The following CSNK1G1 variants were observed in gnomAD, a reference collection of about 807,000 sequenced individuals.
The protein encoded by CSNK1G1 is casein kinase 1 gamma 1.
A neutral mutation model predicts 59.6 loss-of-function variants in CSNK1G1; 22 were observed. The observed-to-expected ratio is 0.37, with a 90% CI of 0.26 to 0.53. CSNK1G1 has a LOEUF of 0.53. CSNK1G1 is among the 20% of genes least tolerant of loss of function. The probability of loss-of-function intolerance (pLI) is 0.89; values close to 1 mark genes in which losing one functional copy is unlikely to be tolerated. For synonymous variants in CSNK1G1, 179 were observed against 177.1 expected (o/e 1.01, Z -0.08); for missense variants, 384 against 519.5 (o/e 0.74, Z 2.54).
chr15:64,270,219 C>A (rs935643011), intron 2 of CSNK1G1, among the ~76,000 whole-genome samples: 2 of 151,902 alleles, frequency 1.3e-5, no homozygotes, highest in Non-Finnish European at 2.9e-5. Flanking sequence ...TAGCTAGTGG[C>A]CTATTTATCA....
chr15:64,292,049 T>TA (rs1237201244), intron 2 of CSNK1G1, among the ~76,000 whole-genome samples: 13 of 146,142 alleles, frequency 8.9e-5, no homozygotes, highest in Middle Eastern at 3.5e-3. Flanking sequence ...ATACACATAT[T>TA]AAAAAAAAAA....
At chr15:64,217,731 G>A (rs1187036746) in intron 4 of CSNK1G1, among the ~76,000 whole-genome samples, 2 of 150,946 alleles carry the variant, frequency 1.3e-5, no homozygotes, top group African/African-American at 2.4e-5. Context: ...CAGGAGAATC[G>A]TTTGAACTCA....
intron 1 of CSNK1G1, among the ~76,000 whole-genome samples, chr15:64,346,966 A>C (rs1375914269): frequency 2.0e-5 from 3 of 152,220 alleles, no homozygotes; most frequent in Admixed American, 6.5e-5. Context: ...ACTCAACAAG[A>C]AGCAAACAAC....
At chr15:64,197,088 A>T (rs377510066) in intron 10 of CSNK1G1, among the ~76,000 whole-genome samples, 1 of 152,232 alleles carries the variant, frequency 6.6e-6, no homozygotes, top group Non-Finnish European at 1.5e-5. Flanking sequence ...AGCAGTGAAC[A>T]AAACAACAAA....
Position 64,229,912 on chromosome 15 carries a change from T to A in CSNK1G1, c.293-13199A>T, listed in dbSNP as rs998979622. ...TGGGCATGTTTGTAAATTTTTTTTT[T>A]TTTTTTTTTTTTTTTTTTTTTTTTT... is the stretch of plus-strand genomic sequence containing the variant. On this transcript the variant is annotated intron_variant, in intron 4 of 11. Transcript: ENST00000303052. Among the ~76,000 whole-genome samples, 515 of 70,084 alleles carry A rather than the reference T, an allele frequency of 7.3e-3. 9 individuals are homozygous for A. Among genetic ancestry groups the A allele is most frequent in the African/African-American group, 0.023 (499 of 21,530 alleles). The allele number at this position is 70,084 out of a possible 152,430, so 46.0% of individuals were successfully genotyped here.
In CSNK1G1 at chr15:64,275,386, T is replaced by C. The variant is rs74507602; in HGVS notation, c.182-16145A>G. Among the ~76,000 whole-genome samples the C allele has an allele frequency of 1.1e-3, 168 of 152,264 alleles. 1 individual carries two copies. The East Asian group carries it at 0.029, about 27-fold the overall frequency. ...ATGATTAGGGGTAAGAAGATAACGA[T>C]AGCAATACAACTCTAAAGAAAAAAA... is the stretch of plus-strand genomic sequence containing the variant. On this transcript the variant is annotated intron_variant, in intron 2 of 11. Transcript: ENST00000303052.
chr15:64,204,402 G>A (rs1475610656), intron 9 of CSNK1G1, 39 bp downstream of exon 9: 5 of 1,499,988 alleles, frequency 3.3e-6, no homozygotes, highest in Admixed American at 4.3e-5. Context: ...GAGAAAGGAG[G>A]TAATGAGGTT....
chr15:64,345,479 A>G (rs573284835), intron 1 of CSNK1G1, among the ~76,000 whole-genome samples: 1 of 152,346 alleles, frequency 6.6e-6, no homozygotes, highest in Non-Finnish European at 1.5e-5. Context: ...TCTTGTCCTT[A>G]GTGACAGTTG....
intron 10 of CSNK1G1, among the ~76,000 whole-genome samples, chr15:64,199,265 A>G (rs1253904484): frequency 6.6e-6 from 1 of 150,446 alleles, no homozygotes; most frequent in Non-Finnish European, 1.5e-5. Flanking sequence ...AAAAAAAAAA[A>G]AAAAAAAGAA....
rs149401903 is a variant in CSNK1G1 at position 64,318,900 on chromosome 15, C to T, written c.-224-18177G>A. 7.0e-3 allele frequency among the ~76,000 whole-genome samples: 1,069 copies of T among 152,048 alleles called. 17 individuals are homozygous for T. The highest frequency in any genetic ancestry group is 0.024 in the African/African-American group (1,013 of 41,462). ...TGCTGGGATTACAGGCATGAGCCAC[C>T]GTGCCTGGCCAACATGATCTTGGCT... is the stretch of plus-strand genomic sequence containing the variant. On this transcript the variant is annotated intron_variant, in intron 1 of 11. Transcript: ENST00000303052.
At chr15:64,272,403 G>C (rs1893366443) in intron 2 of CSNK1G1, among the ~76,000 whole-genome samples, 1 of 152,036 alleles carries the variant, frequency 6.6e-6, no homozygotes, top group South Asian at 2.1e-4. Context: ...TTTTTTAGTA[G>C]AGACGGGGTT....
At chr15:64,225,311 G>A (rs1215596694) in intron 4 of CSNK1G1, among the ~76,000 whole-genome samples, 1 of 152,020 alleles carries the variant, frequency 6.6e-6, no homozygotes, top group Non-Finnish European at 1.5e-5. Flanking sequence ...CCAACCTATG[G>A]CTGCCTTCTT....
intron 1 of CSNK1G1, among the ~76,000 whole-genome samples, 178 bp downstream of exon 1, chr15:64,355,810 C>T (rs531071495): frequency 6.6e-6 from 1 of 152,320 alleles, no homozygotes; most frequent in South Asian, 2.1e-4. Context: ...CTGTGTCCCT[C>T]AGCCCCTCCA....
chr15:64,310,886 T>C lies in CSNK1G1; in HGVS notation c.-224-10163A>G, dbSNP rs1895956483. 2.0e-5 allele frequency among the ~76,000 whole-genome samples: 3 copies of C among 150,168 alleles called. No individual in the cohort carries two copies. The South Asian group carries it at 6.3e-4, about 31-fold the overall frequency. On this transcript the variant is annotated intron_variant, in intron 1 of 11. Coordinates refer to ENST00000303052, the MANE Select transcript of CSNK1G1 (RefSeq NM_022048.5). ...TGGGTGTGGTGGCGCATGCCTGTAA[T>C]CCCAGCTACTCGGGAAGCCGAGGCA...
intron 2 of CSNK1G1, among the ~76,000 whole-genome samples, chr15:64,266,908 A>G (rs1370934459): frequency 6.6e-6 from 1 of 152,168 alleles, no homozygotes; most frequent in East Asian, 1.9e-4. Flanking sequence ...CTATAAAACT[A>G]CTAGAATAAA....
Position 64,201,732 on chromosome 15 carries a change from G to A in CSNK1G1, c.1107+1350C>T, listed in dbSNP as rs150340550. ...TGTGTGTGTGTGTGTGTGTGTGTGT[G>A]TGTGTGTGTGTGTGTGTGTTTATAT... On this transcript the variant is annotated intron_variant, in intron 10 of 11. Transcript: ENST00000303052. 2.1e-3 allele frequency among the ~76,000 whole-genome samples: 324 copies of A among 151,412 alleles called. 4 individuals are homozygous for A. Among genetic ancestry groups the A allele is most frequent in the African/African-American group, 7.0e-3 (289 of 41,096 alleles).
intron 2 of CSNK1G1, among the ~76,000 whole-genome samples, chr15:64,263,199 T>A (rs572572761): frequency 6.6e-6 from 1 of 152,014 alleles, no homozygotes; most frequent in South Asian, 2.1e-4. Flanking sequence ...TTCTTTTTTC[T>A]TTTTTTTGAG....
At chr15:64,341,859 G>A (rs751595286) in intron 1 of CSNK1G1, among the ~76,000 whole-genome samples, 3 of 152,116 alleles carry the variant, frequency 2.0e-5, no homozygotes, top group Admixed American at 6.5e-5. Context: ...TTTTAAAAGC[G>A]GGATGAGGTG....
At chr15:64,265,752 A>G (rs1266065501) in intron 2 of CSNK1G1, 4 of 455,330 alleles carry the variant, frequency 8.8e-6, no homozygotes, top group South Asian at 6.2e-5. Context: ...AAAGAAACTG[A>G]AGAACACACA....
Sources: gnomAD v4.1 joint callset for allele counts (sites outside exome capture counted in the v4.1 genomes callset) on GRCh38, gnomAD v4.1.1 for gene constraint, MANE v1.5 for transcripts, NCBI Gene and HGNC (gene_info 2026-07-23, HGNC 2026-07-21) for gene names.